Variants in WARS1 observed in about 807,000 individuals in gnomAD.
The protein encoded by WARS1 is tryptophanyl-tRNA synthetase 1.
A neutral mutation model predicts 47.8 loss-of-function variants in WARS1; 17 were observed. The ratio of observed to expected loss-of-function variants is 0.36; its 90% confidence interval spans 0.24 to 0.53. The LOEUF is 0.53. WARS1 is among the 20% of genes least tolerant of loss of function. The pLI, the probability that WARS1 is intolerant of heterozygous loss-of-function variation, is 0.91. For synonymous variants in WARS1, 208 were observed against 228.1 expected, an observed-to-expected ratio of 0.91 and a Z score of 0.79; for missense variants, 434 against 608.0, an observed-to-expected ratio of 0.71 and a Z score of 3.01.
chr14:100,366,594 G>C lies in WARS1; in HGVS notation c.99+2493C>G. On this transcript the variant is annotated intron_variant, in intron 2 of 10. Coordinates refer to ENST00000392882, the MANE Select transcript of WARS1 (RefSeq NM_004184.4). ...ATTAAGATCTCAGAGAGAGAGAGTT[G>C]AGTGTCCTGAGAGGTCAGATTGCTG... The C allele has an allele frequency of 1.6e-5, 11 of 700,670 alleles. No homozygotes were observed. In the South Asian group the frequency reaches 1.7e-4, roughly 11 times the overall value. 43.4% of individuals were successfully genotyped at this position (700,670 alleles called of 1,614,324 possible). A position where few individuals can be genotyped will look rare whatever the true frequency, so the allele number is the denominator to read the frequency against.
intron 7 of WARS1, 66 bp downstream of exon 7, chr14:100,346,680 C>A (rs1179098035): frequency 3.1e-6 from 4 of 1,294,590 alleles, no homozygotes; most frequent in Admixed American, 3.5e-5. Context: ...GCATGTGTCT[C>A]CTCCAGAACT....
At chr14:100,349,296 T>C (rs1180230372) in intron 6 of WARS1, among the ~76,000 whole-genome samples, 1 of 152,208 alleles carries the variant, frequency 6.6e-6, no homozygotes, top group East Asian at 1.9e-4. Flanking sequence ...TATTATCACC[T>C]GATTGATCAC....
At position 100,342,333 on chromosome 14, in the gene WARS1, T is replaced by C. The variant is rs141231191; in HGVS notation, c.1113+65A>G. 2,236 of 1,595,386 alleles carry C rather than the reference T, an allele frequency of 1.4e-3. 4 individuals are homozygous for C. The highest frequency in any genetic ancestry group is 1.6e-3 in the Non-Finnish European group (1,887 of 1,165,220). ...AAAGCACTGCGCAGTGGTGTGTGTGTGCGTGTGCCCCCCAGGGCATGTTTC... is the reference window on the plus strand; with the variant it reads ...AAAGCACTGCGCAGTGGTGTGTGTGCGCGTGTGCCCCCCAGGGCATGTTTC... On this transcript the variant is annotated intron_variant, in intron 9 of 10. Transcript: ENST00000392882.
intron 10 of WARS1, among the ~76,000 whole-genome samples, chr14:100,335,750 C>T (rs1053200491): frequency 6.6e-6 from 1 of 152,034 alleles, no homozygotes; most frequent in Admixed American, 6.6e-5. Flanking sequence ...TAATAAAGTA[C>T]CCAAACCACA....
chr14:100,368,072 G>A (rs919468168), intron 2 of WARS1, among the ~76,000 whole-genome samples: 3 of 152,186 alleles, frequency 2.0e-5, no homozygotes, highest in African/African-American at 4.8e-5. Flanking sequence ...GGAAGCAAGA[G>A]CCCCCACTTC....
intron 5 of WARS1, 78 bp from the exon 6 acceptor site, chr14:100,353,947 C>T: frequency 1.5e-6 from 2 of 1,350,454 alleles, no homozygotes; most frequent in Non-Finnish European, 2.0e-6. Context: ...GAAAACACAG[C>T]TCCTACTTAC....
intron 10 of WARS1, among the ~76,000 whole-genome samples, chr14:100,335,982 A>G (rs1322886497): frequency 1.3e-5 from 2 of 151,846 alleles, no homozygotes; most frequent in African/African-American, 4.8e-5. Context: ...TTTTTAAAAG[A>G]AATGAGGGTC....
chr14:100,369,622 C>T (rs912239723), intron 1 of WARS1, among the ~76,000 whole-genome samples: 1 of 151,986 alleles, frequency 6.6e-6, no homozygotes, highest in East Asian at 1.9e-4. Flanking sequence ...GGTATAAATA[C>T]CAATGTGTTT....
intron 9 of WARS1, 144 bp from the exon 10 acceptor site, chr14:100,337,346 G>A (rs1893815882): frequency 1.3e-5 from 15 of 1,192,360 alleles, no homozygotes; most frequent in Middle Eastern, 2.4e-4. Context: ...ACAGCCGGTT[G>A]GGGGCGCACA....
intron 4 of WARS1, 50 bp from the exon 5 acceptor site, chr14:100,354,616 C>A: frequency 6.4e-7 from 1 of 1,567,002 alleles, no homozygotes; most frequent in South Asian, 1.2e-5. Context: ...AGAAAAATAT[C>A]AAGGCACTAA....
At chr14:100,366,474 G>C (rs191354825) in intron 2 of WARS1, among the ~76,000 whole-genome samples, 4 of 152,150 alleles carry the variant, frequency 2.6e-5, no homozygotes, top group Non-Finnish European at 5.9e-5. Context: ...CCAAACAGTT[G>C]AGAATTGCCT....
At chr14:100,361,675 C>T (rs1288091526) in intron 3 of WARS1, 33 bp downstream of exon 3, 3 of 1,601,410 alleles carry the variant, frequency 1.9e-6, no homozygotes, top group Non-Finnish European at 2.6e-6. Flanking sequence ...CTAAAAGTTG[C>T]AGCTTTTTCT....
At chr14:100,349,826 G>A (rs1894855417) in intron 6 of WARS1, among the ~76,000 whole-genome samples, 1 of 152,258 alleles carries the variant, frequency 6.6e-6, no homozygotes, top group South Asian at 2.1e-4. Flanking sequence ...CTCAAAGAGG[G>A]CGATGGCTGG....
At chr14:100,375,061 G>A (rs915134244) in intron 1 of WARS1, 7 of 152,126 alleles carry the variant, frequency 4.6e-5, no homozygotes, top group African/African-American at 1.7e-4. Flanking sequence ...ACAGCATGAC[G>A]GTGCTGAGAG....
chr14:100,366,636 G>T, intron 2 of WARS1: 1 of 760,578 alleles, frequency 1.3e-6, no homozygotes, highest in Non-Finnish European at 2.4e-6. Context: ...ATGGCCCATG[G>T]ACATGGACAT....
At chr14:100,356,388 T>G (rs1895312843) in intron 4 of WARS1, among the ~76,000 whole-genome samples, 3 of 76,000 alleles carry the variant, frequency 3.9e-5, no homozygotes, top group African/African-American at 7.3e-5. Flanking sequence ...ACTGGGTGTG[T>G]GTGTGTGTGT....
intron 6 of WARS1, among the ~76,000 whole-genome samples, chr14:100,352,466 C>A (rs1049029088): frequency 6.6e-6 from 1 of 152,176 alleles, no homozygotes; most frequent in African/African-American, 2.4e-5. Flanking sequence ...TCTGGGGATG[C>A]GGCTCTAAGC....
At chr14:100,345,335 T>G (rs1217409347) in intron 7 of WARS1, among the ~76,000 whole-genome samples, 1 of 152,180 alleles carries the variant, frequency 6.6e-6, no homozygotes, top group East Asian at 1.9e-4. Context: ...TAAGAAAAAT[T>G]CTTATCCTGT....
intron 4 of WARS1, 144 bp downstream of exon 4, chr14:100,360,410 G>A: frequency 3.6e-6 from 2 of 553,908 alleles, no homozygotes; most frequent in Non-Finnish European, 6.5e-6. Flanking sequence ...GTTACTGACA[G>A]GACAGAGGAT....
Sources: allele counts gnomAD v4.1 joint callset (sites outside exome capture counted in the v4.1 genomes callset), GRCh38; gene constraint gnomAD v4.1.1; transcripts MANE v1.5; gene names NCBI Gene and HGNC (gene_info 2026-07-23, HGNC 2026-07-21).